The following TASOR2 variants were observed in gnomAD, a reference collection of about 807,000 sequenced individuals.
The protein encoded by TASOR2 is protein TASOR 2.
TASOR2 carries 84 observed loss-of-function variants against 199.5 expected under a neutral mutation model. The observed-to-expected ratio is 0.42, with a 90% CI of 0.35 to 0.50. The LOEUF is 0.50. TASOR2 is among the 20% of genes least tolerant of loss of function. The pLI, the probability that TASOR2 is intolerant of heterozygous loss-of-function variation, is 0.02. For missense variants in TASOR2, 2,796 were observed against 2,835.9 expected, an observed-to-expected ratio of 0.99 and a Z score of 0.32; for synonymous variants, 1,103 against 1,046.6, an observed-to-expected ratio of 1.05 and a Z score of -1.04.
intron 1 of TASOR2, among the ~76,000 whole-genome samples, chr10:5,704,150 G>C (rs1588636595): frequency 6.6e-6 from 1 of 150,882 alleles, no homozygotes; most frequent in African/African-American, 2.4e-5. Flanking sequence ...CTTGAACCTG[G>C]GAGGCGAAAG....
At chr10:5,703,187 T>A (rs1010734156) in intron 1 of TASOR2, among the ~76,000 whole-genome samples, 2 of 152,168 alleles carry the variant, frequency 1.3e-5, no homozygotes, top group Non-Finnish European at 2.9e-5. Flanking sequence ...AATAATTAAC[T>A]AGAAGATCAT....
At chr10:5,723,896 G>A (rs750977562) in intron 7 of TASOR2, 119 bp downstream of exon 8, 3 of 533,374 alleles carry the variant, frequency 5.6e-6, no homozygotes, top group African/African-American at 3.9e-5. Flanking sequence ...TCTTAAAAGA[G>A]TCTTTTGTAA....
At position 5,748,871 on chromosome 10, in the gene TASOR2, G is replaced by A; in HGVS notation, c.5450G>A (p.Gly1817Asp). 3.7e-6 allele frequency: 6 copies of A among 1,614,194 alleles called. No individual in the cohort carries two copies. Among genetic ancestry groups the A allele is most frequent in the Non-Finnish European group, 5.1e-6 (6 of 1,180,044 alleles). ...ACCCTAGGCAGAGATGGAGAGGTCG[G>A]TGTGAATTCCGACATGCACTATGAA... The change falls in exon 15 of 21, where the codon GGT (glycine) becomes GAT (aspartate). Residue 1817 changes from glycine (G) to aspartate (D), a missense_variant. Around this residue, in one of 3 missense-constraint regions of TASOR2, gnomAD observed 1,941 missense variants for 1,924.9 expected, o/e 1.01. Coordinates refer to ENST00000328090, the Ensembl canonical transcript of TASOR2. This position sits in a 1 kb window ranked among gnomAD's most constrained non-coding sequence, Gnocchi z 5.1.
rs1337025843 is a variant in TASOR2, at chr10:5,750,849, A to T, written c.6606+822A>T. 6.6e-6 allele frequency among the ~76,000 whole-genome samples: 1 copy of T among 152,212 alleles called. No homozygotes were observed. The highest frequency in any genetic ancestry group is 1.5e-5 in the Non-Finnish European group (1 of 68,032). ...AGTTCATATAATATTAATTAAAGTG[A>T]CCATCTCCATTAACCTCATCTAGGT... On this transcript the variant is annotated intron_variant, in intron 15 of 20. Coordinates refer to ENST00000328090, the Ensembl canonical transcript of TASOR2. The surrounding 1 kb of genome is among the most constrained non-coding windows in gnomAD (Gnocchi z 5.4).
intron 1 of TASOR2, among the ~76,000 whole-genome samples, chr10:5,692,467 C>T (rs548598242): frequency 3.9e-5 from 6 of 152,260 alleles, no homozygotes; most frequent in Admixed American, 3.9e-4. Flanking sequence ...TACTGTGTGA[C>T]GTCCAAGAAC....
chr10:5,723,589 G>T, intron 6 of TASOR2, 88 bp from the exon 8 acceptor site: 7 of 699,658 alleles, frequency 1.0e-5, no homozygotes, highest in Non-Finnish European at 1.1e-5. Context: ...TTATATTTTT[G>T]TTTACATTTA....
chr10:5,746,438 T>A, exon 15 of TASOR2: 1 of 1,614,148 alleles, frequency 6.2e-7, no homozygotes, highest in Non-Finnish European at 8.5e-7. Context: ...GTGGATATTC[T>A]TGATGCAGCA....
chr10:5,746,781 C>T (rs372616727), exon 15 of TASOR2: 1 of 1,614,056 alleles, frequency 6.2e-7, no homozygotes, highest in African/African-American at 1.3e-5. Context: ...GACAGAAGGG[C>T]ACTAAGTACC....
At chr10:5,716,901 T>TATATAA (rs1187132325) in intron 2 of TASOR2, among the ~76,000 whole-genome samples, 9 of 148,712 alleles carry the variant, frequency 6.1e-5, no homozygotes, top group Admixed American at 1.3e-4. Context: ...AATATAAATG[T>TATATAA]ATATAAATAT....
At chr10:5,747,426 A>C (rs369976653) in exon 15 of TASOR2, 17 of 1,614,104 alleles carry the variant, frequency 1.1e-5, no homozygotes, top group Non-Finnish European at 1.4e-5. Flanking sequence ...CAGAAAGCAG[A>C]GAAGTGAGTT....
At chr10:5,746,147 ATTTTTT>A in intron 14 of TASOR2, 26 bp from the exon 16 acceptor site, 1 of 1,389,844 alleles carries the variant, frequency 7.2e-7, no homozygotes, top group Non-Finnish European at 9.5e-7. Flanking sequence ...TATATGACTG[ATTTTTT>A]TTTTTTTTTA....
Position 5,750,155 on chromosome 10 carries a change from G to A in TASOR2, c.6606+128G>A. On this transcript the variant is annotated intron_variant, in intron 15 of 20. Coordinates refer to ENST00000328090, the Ensembl canonical transcript of TASOR2. The surrounding 1 kb of genome is among the most constrained non-coding windows in gnomAD (Gnocchi z 5.4). ...CATAGTATTTAAATTTCACAGCTTA[G>A]TCTTTATCTGCATACTAAATGTTTT... The A allele has an allele frequency of 1.0e-6, 1 of 973,892 alleles. No homozygotes were observed. Among genetic ancestry groups the A allele is most frequent in the Non-Finnish European group, 1.4e-6 (1 of 691,564 alleles). The allele number at this position is 973,892 out of a possible 1,614,324, so 60.3% of individuals were successfully genotyped here.
At chr10:5,735,628 A>C in intron 12 of TASOR2, 82 bp downstream of exon 13, 1 of 1,502,546 alleles carries the variant, frequency 6.7e-7, no homozygotes, top group Non-Finnish European at 8.9e-7. Flanking sequence ...GAAATAGTGT[A>C]AGAGCAGTTG....
At chr10:5,759,908 A>G (rs1403621282) in intron 18 of TASOR2, among the ~76,000 whole-genome samples, 1 of 152,242 alleles carries the variant, frequency 6.6e-6, no homozygotes, top group East Asian at 1.9e-4. Flanking sequence ...AGTAACCAGC[A>G]CTTGAGGGGA....
chr10:5,755,044 C>G (rs1838716365), intron 15 of TASOR2, among the ~76,000 whole-genome samples: 1 of 52,028 alleles, frequency 1.9e-5, no homozygotes, highest in Non-Finnish European at 3.8e-5. Context: ...AGACTCTTGT[C>G]TCAAAAAAAA....
chr10:5,748,312 C>T lies in TASOR2; in HGVS notation c.4891C>T (p.Leu1631=). The T allele has an allele frequency of 6.2e-7, 1 of 1,614,220 alleles. No homozygotes were observed. Among genetic ancestry groups the T allele is most frequent in the Non-Finnish European group, 8.5e-7 (1 of 1,180,044 alleles). The stretch of plus-strand genomic sequence containing the variant: ...TTTGAAAACAGATGAAGGCATTTAT[C>T]TGCAGGTGAAGTCCTTGACAGCTGC... The change falls in exon 15 of 21, where the codon CTG becomes TTG. Residue 1631 remains leucine, a synonymous_variant. Transcript: ENST00000328090. The surrounding 1 kb of genome is among the most constrained non-coding windows in gnomAD (Gnocchi z 5.1).
At chr10:5,717,807 T>G (rs1832840912) in intron 3 of TASOR2, 57 bp downstream of exon 4, 1 of 615,950 alleles carries the variant, frequency 1.6e-6, no homozygotes, top group Admixed American at 4.4e-5. Context: ...GTTATCTACC[T>G]TTGATATTCT....
intron 6 of TASOR2, among the ~76,000 whole-genome samples, chr10:5,721,551 A>G (rs1259974264): frequency 4.0e-5 from 6 of 151,146 alleles, no homozygotes; most frequent in Non-Finnish European, 7.4e-5. Flanking sequence ...TTTTTTTCCT[A>G]TCGGCCTTTT....
At position 5,722,699 on chromosome 10, in the gene TASOR2, A is replaced by G. The variant is rs1029311818; in HGVS notation, c.147-978A>G. 1.3e-5 allele frequency among the ~76,000 whole-genome samples: 2 copies of G among 152,042 alleles called. No individual in the cohort carries two copies. The highest frequency in any genetic ancestry group is 2.9e-5 in the Non-Finnish European group (2 of 68,004). On this transcript the variant is annotated intron_variant, in intron 6 of 20. Coordinates refer to ENST00000328090, the Ensembl canonical transcript of TASOR2. The surrounding 1 kb of genome is among the most constrained non-coding windows in gnomAD (Gnocchi z 4.0). ...TTTGTATAAGTGTAAAAGCATTTTAAAATGAGTTTTTAAAAAGGAAACAGA... is the reference window on the plus strand; with the variant it reads ...TTTGTATAAGTGTAAAAGCATTTTAGAATGAGTTTTTAAAAAGGAAACAGA...
Sources: allele counts gnomAD v4.1 joint callset (sites outside exome capture counted in the v4.1 genomes callset), GRCh38; gene constraint gnomAD v4.1.1; regional missense constraint gnomAD v4.1.1; non-coding constraint Gnocchi (gnomAD v3.1); transcripts MANE v1.5; gene names NCBI Gene and HGNC (gene_info 2026-07-23, HGNC 2026-07-21).